Variants in SOX5 observed in about 807,000 individuals in gnomAD.
SOX5 encodes the protein transcription factor SOX-5.
In SOX5, 9 loss-of-function variants were observed where a neutral mutation model predicts 92.0. The observed-to-expected ratio is 0.10, with a 90% CI of 0.06 to 0.17. The LOEUF (loss-of-function observed/expected upper bound fraction) is 0.17, where lower values mean the gene tolerates loss of function less well. Among genes scored for constraint, SOX5 ranks in the 10% least tolerant of loss-of-function variants. SOX5 has a pLI of 1.00. For missense variants in SOX5, 642 were observed against 944.5 expected (o/e 0.68, Z 4.20); for synonymous variants, 344 against 336.3 (o/e 1.02, Z -0.25).
intron 3 of SOX5, among the ~76,000 whole-genome samples, chr12:23,845,119 G>T (rs1381017283): frequency 6.6e-6 from 1 of 152,164 alleles, no homozygotes; most frequent in South Asian, 2.1e-4. Context: ...GACTAGAAAT[G>T]AGCCCAACTT....
intron 4 of SOX5, among the ~76,000 whole-genome samples, chr12:24,013,351 T>G (rs1390494445): frequency 6.6e-6 from 1 of 152,208 alleles, no homozygotes; most frequent in Non-Finnish European, 1.5e-5. Context: ...AAAGAGGTAT[T>G]GAGAACATGT....
chr12:23,873,901 C>T (rs975058702), intron 2 of SOX5, among the ~76,000 whole-genome samples: 1 of 152,080 alleles, frequency 6.6e-6, no homozygotes, highest in African/African-American at 2.4e-5. Context: ...AAAAATTTTT[C>T]CAATACTTTG....
chr12:24,075,483 G>T (rs1942451858), intron 4 of SOX5, among the ~76,000 whole-genome samples: 1 of 151,970 alleles, frequency 6.6e-6, no homozygotes, highest in African/African-American at 2.4e-5. Flanking sequence ...TAGGAAAAAT[G>T]TAAAAAAATA....
intron 2 of SOX5, among the ~76,000 whole-genome samples, chr12:24,290,392 T>C (rs1219108023): frequency 6.6e-6 from 1 of 152,082 alleles, no homozygotes; most frequent in African/African-American, 2.4e-5. Flanking sequence ...ATTAATTGAG[T>C]GGTTTCTACA....
chr12:24,501,428 A>ATG (rs1212695723), intron 1 of SOX5, among the ~76,000 whole-genome samples: 1 of 152,008 alleles, frequency 6.6e-6, no homozygotes, highest in East Asian at 1.9e-4. Flanking sequence ...CTCCAAACGC[A>ATG]TGTATATAAG....
At chr12:24,411,155 C>T (rs1214945929) in intron 1 of SOX5, among the ~76,000 whole-genome samples, 4 of 151,548 alleles carry the variant, frequency 2.6e-5, no homozygotes, top group Non-Finnish European at 5.9e-5. Flanking sequence ...TTATATCTTG[C>T]TACCTTGCTA....
chr12:23,584,063 T>G (rs550629779), intron 9 of SOX5, among the ~76,000 whole-genome samples: 1 of 152,092 alleles, frequency 6.6e-6, no homozygotes, highest in Admixed American at 6.6e-5. Flanking sequence ...TGAACCTAAA[T>G]GTACAAAATG....
intron 4 of SOX5, among the ~76,000 whole-genome samples, chr12:24,143,223 G>C (rs1228392701): frequency 6.6e-6 from 1 of 151,990 alleles, no homozygotes; most frequent in Admixed American, 6.6e-5. Context: ...ACTGAGTCCA[G>C]GAACAAAGCT....
intron 4 of SOX5, among the ~76,000 whole-genome samples, chr12:24,063,590 C>T (rs756881802): frequency 7.2e-5 from 11 of 152,160 alleles, no homozygotes; most frequent in Non-Finnish European, 1.5e-4. Context: ...AGGCATCTGG[C>T]TTTACTTAAG....
At chr12:23,662,714 G>A (rs967513225) in intron 7 of SOX5, among the ~76,000 whole-genome samples, 2 of 151,946 alleles carry the variant, frequency 1.3e-5, no homozygotes, top group African/African-American at 2.4e-5. Flanking sequence ...TTCCTGTTGA[G>A]TACATTTAAA....
chr12:24,128,953 A>C (rs1234878468), intron 4 of SOX5, among the ~76,000 whole-genome samples: 1 of 152,132 alleles, frequency 6.6e-6, no homozygotes, highest in Non-Finnish European at 1.5e-5. Flanking sequence ...ACACATAGAA[A>C]TGGAGAGCTT....
At chr12:24,099,085 T>C (rs1945769172) in intron 4 of SOX5, among the ~76,000 whole-genome samples, 1 of 152,196 alleles carries the variant, frequency 6.6e-6, no homozygotes, top group Admixed American at 6.6e-5. Context: ...AATCTCTGGC[T>C]AGGGTCTTAT....
chr12:23,619,376 G>T (rs2076925775), intron 8 of SOX5, among the ~76,000 whole-genome samples: 1 of 152,066 alleles, frequency 6.6e-6, no homozygotes, highest in Non-Finnish European at 1.5e-5. Flanking sequence ...TAGGGAATAG[G>T]TATTATTTTT....
intron 8 of SOX5, among the ~76,000 whole-genome samples, chr12:23,640,491 G>T (rs10743479): frequency 0.76 from 115,186 of 152,050 alleles, 43,818 homozygotes; most frequent in South Asian, 0.88. Flanking sequence ...CTTTTGCAGG[G>T]TTTTTTGTTC....
intron 4 of SOX5, among the ~76,000 whole-genome samples, chr12:24,127,950 T>C (rs1949273656): frequency 6.6e-6 from 1 of 152,242 alleles, no homozygotes; most frequent in East Asian, 1.9e-4. Flanking sequence ...ATCGGGCAGA[T>C]ACCTAGCACA....
chr12:24,244,839 GCAC>G (rs1938300742), intron 3 of SOX5, among the ~76,000 whole-genome samples: 1 of 152,126 alleles, frequency 6.6e-6, no homozygotes, highest in Admixed American at 6.5e-5. Flanking sequence ...TTACAGGCAT[GCAC>G]CACCACACCT....
intron 3 of SOX5, among the ~76,000 whole-genome samples, chr12:24,265,533 G>C (rs1030206618): frequency 1.3e-5 from 2 of 152,072 alleles, no homozygotes; most frequent in African/African-American, 4.8e-5. Flanking sequence ...AACAGAGTGA[G>C]AGTCCATCTC....
chr12:23,954,905 TA>T (rs1364559934), upstream of SOX5, among the ~76,000 whole-genome samples: 1 of 152,122 alleles, frequency 6.6e-6, no homozygotes, highest in Non-Finnish European at 1.5e-5. Flanking sequence ...TCTTAGGATT[TA>T]ACTTCTTATT....
intron 2 of SOX5, among the ~76,000 whole-genome samples, chr12:23,893,012 G>C (rs1291871498): frequency 6.6e-6 from 1 of 152,148 alleles, no homozygotes; most frequent in African/African-American, 2.4e-5. Context: ...AAAAATTAAA[G>C]AGAACTTCTG....
Sources: gnomAD v4.1 joint callset for allele counts (sites outside exome capture counted in the v4.1 genomes callset) on GRCh38, gnomAD v4.1.1 for gene constraint, MANE v1.5 for transcripts, NCBI Gene and HGNC (gene_info 2026-07-23, HGNC 2026-07-21) for gene names.